AKAP8L: variants seen among roughly 807,000 people sequenced by gnomAD.
The protein encoded by AKAP8L is A-kinase anchor protein 8-like.
A neutral mutation model predicts 77.5 loss-of-function variants in AKAP8L; 34 were observed. The ratio of observed to expected loss-of-function variants is 0.44; its 90% CI spans 0.33 to 0.58. AKAP8L has a LOEUF of 0.58. Ranked by LOEUF, AKAP8L falls within the 20% of genes least tolerant of loss-of-function variation. The pLI is 0.02. For synonymous variants in AKAP8L, 342 were observed against 340.7 expected (o/e 1.00, Z -0.04); for missense variants, 806 against 887.6 (o/e 0.91, Z 1.17).
At chr19:15,385,709 C>T (rs1391285382) in intron 12 of AKAP8L, among the ~76,000 whole-genome samples, 1 of 152,010 alleles carries the variant, frequency 6.6e-6, no homozygotes, top group Non-Finnish European at 1.5e-5. Flanking sequence ...AGGTGATCCT[C>T]CCACCTCAGC....
Position 15,408,612 on chromosome 19 carries a change from G to A in AKAP8L, c.88+1908C>T, listed in dbSNP as rs1387806694. On this transcript the variant is annotated intron_variant, in intron 2 of 13. Coordinates refer to ENST00000397410, the MANE Select transcript of AKAP8L (RefSeq NM_014371.4). ...AGAAAGAAAGAAAGAGGCCGGGCGC[G>A]GTGGCTCACGCCTGTAATCCCAACA... 6.8e-5 allele frequency among the ~76,000 whole-genome samples: 10 copies of A among 146,454 alleles called. No homozygotes were observed. In the South Asian group the frequency reaches 1.5e-3, roughly 22 times the overall value.
chr19:15,397,287 T>G lies in AKAP8L; in HGVS notation c.1406-7A>C, dbSNP rs1201428964. 2 of 1,613,812 alleles carry G rather than the reference T, an allele frequency of 1.2e-6. No individual in the cohort carries two copies. The highest frequency in any genetic ancestry group is 1.7e-6 in the Non-Finnish European group (2 of 1,179,820). On this transcript the variant is annotated splice_polypyrimidine_tract_variant and splice_region_variant and intron_variant, in intron 11 of 13. Transcript: ENST00000397410. This position sits in a 1 kb window ranked among gnomAD's most constrained non-coding sequence, Gnocchi z 4.7. Reference sequence around the variant, plus strand: ...AAATGCTCCATGGCAATTTCTGTAGTGGGGAGGAGGGAGTCACCACTGGGC... The same window carrying G: ...AAATGCTCCATGGCAATTTCTGTAGGGGGGAGGAGGGAGTCACCACTGGGC...
At chr19:15,418,796 C>T in intron 1 of AKAP8L, 115 bp downstream of exon 1, 1 of 1,059,118 alleles carries the variant, frequency 9.4e-7, no homozygotes, top group African/African-American at 1.6e-5. Flanking sequence ...CATTTTGTGA[C>T]CGCAGGGAAG....
At chr19:15,415,831 G>A (rs769787116) in intron 1 of AKAP8L, among the ~76,000 whole-genome samples, 21 of 151,556 alleles carry the variant, frequency 1.4e-4, no homozygotes, top group East Asian at 7.8e-4. Flanking sequence ...GCTTGCAGTG[G>A]GCCGAGATGG....
chr19:15,389,369 G>A lies in AKAP8L; in HGVS notation c.1536+7781C>T, dbSNP rs771997816. ...CACACTATTAAGTGATCCAACATAC[G>A]GGTAATGAGCATTAGAAGAGGAAAG... On this transcript the variant is annotated intron_variant, in intron 12 of 13. Transcript: ENST00000397410. Among the ~76,000 whole-genome samples, 14 of 152,198 alleles carry A rather than the reference G, an allele frequency of 9.2e-5. No homozygotes were observed. The East Asian group carries it at 1.2e-3, about 13-fold the overall frequency.
At chr19:15,414,053 A>G (rs1408953626) in intron 1 of AKAP8L, among the ~76,000 whole-genome samples, 1 of 150,674 alleles carries the variant, frequency 6.6e-6, no homozygotes, top group Non-Finnish European at 1.5e-5. Flanking sequence ...CCTATTATGA[A>G]TAATTCTTTT....
chr19:15,411,657 T>C (rs1968107357), intron 1 of AKAP8L, among the ~76,000 whole-genome samples: 1 of 152,114 alleles, frequency 6.6e-6, no homozygotes, highest in Non-Finnish European at 1.5e-5. Flanking sequence ...CAATTATTTC[T>C]TAAAAGTAAT....
intron 1 of AKAP8L, 74 bp downstream of exon 1, chr19:15,418,837 C>T (rs1968270490): frequency 6.7e-7 from 1 of 1,492,874 alleles, no homozygotes; most frequent in Non-Finnish European, 9.1e-7. Context: ...GAGGTGCGGG[C>T]AAGCCTGGTG....
At position 15,403,497 on chromosome 19, in the gene AKAP8L, C is replaced by T. The variant is rs757362319; in HGVS notation, c.340G>A (p.Val114Met). The change falls in exon 4 of 14, where the codon GTG (valine) becomes ATG (methionine). Residue 114 changes from valine to methionine, a missense_variant. Transcript: ENST00000397410. This position sits in a 1 kb window ranked among gnomAD's most constrained non-coding sequence, Gnocchi z 4.3. ...HLETDMMQGGVYGSGGERYDS... is the reference protein window; with the variant it reads ...HLETDMMQGGMYGSGGERYDS... ...CACCTTTCTCCACCTGAGCCGTACACGCCTCCTTGCATCATGTCTGTCTCC... is the reference window on the plus strand; with the variant it reads ...CACCTTTCTCCACCTGAGCCGTACATGCCTCCTTGCATCATGTCTGTCTCC... 6.2e-6 allele frequency: 10 copies of T among 1,613,864 alleles called. No individual in the cohort carries two copies. In the East Asian group the frequency reaches 6.7e-5, roughly 11 times the overall value.
intron 8 of AKAP8L, chr19:15,400,025 C>T (rs1427870582): frequency 1.8e-6 from 1 of 549,074 alleles, no homozygotes; most frequent in Non-Finnish European, 3.2e-6. Context: ...GGGTTCCCCA[C>T]ACTTTTACTA....
At chr19:15,382,346 C>A (rs1233673990) in intron 12 of AKAP8L, among the ~76,000 whole-genome samples, 2 of 152,012 alleles carry the variant, frequency 1.3e-5, no homozygotes, top group African/African-American at 4.8e-5. Flanking sequence ...GGACTACGGG[C>A]ACGCACCACC....
At position 15,403,891 on chromosome 19, in the gene AKAP8L, G is replaced by T; in HGVS notation, c.121+119C>A. 7.9e-7 allele frequency: 1 copy of T among 1,265,520 alleles called. No homozygotes were observed. The highest frequency in any genetic ancestry group is 1.3e-5 in the South Asian group (1 of 75,260). The allele number at this position is 1,265,520 out of a possible 1,614,324, so 78.4% of individuals were successfully genotyped here. A position where few individuals can be genotyped will look rare whatever the true frequency, so the allele number is the denominator to read the frequency against. ...ATGAGGGCCTCCTGTTAAGGAGTAG[G>T]TAACCCCAGAAACATGCCCCCTCCC... On this transcript the variant is annotated intron_variant, in intron 3 of 13. Coordinates refer to ENST00000397410, the MANE Select transcript of AKAP8L (RefSeq NM_014371.4). This position sits in a 1 kb window ranked among gnomAD's most constrained non-coding sequence, Gnocchi z 4.3.
intron 12 of AKAP8L, 160 bp from the exon 13 acceptor site, chr19:15,380,772 A>G (rs964550264): frequency 1.3e-5 from 8 of 618,616 alleles, no homozygotes; most frequent in African/African-American, 9.2e-5. Flanking sequence ...ACCACAACCT[A>G]TCTGATCTTT....
At chr19:15,404,443 T>C (rs907164595) in intron 2 of AKAP8L, among the ~76,000 whole-genome samples, 7 of 152,188 alleles carry the variant, frequency 4.6e-5, no homozygotes, top group African/African-American at 1.7e-4. Flanking sequence ...CTTGAATTGT[T>C]GACTGTGCTG....
chr19:15,400,612 C>G, intron 7 of AKAP8L, 182 bp downstream of exon 7: 3 of 816,438 alleles, frequency 3.7e-6, no homozygotes, highest in Non-Finnish European at 5.8e-6. Context: ...CATTTTCCAA[C>G]AAGGAAACTG....
chr19:15,403,677 C>A lies in AKAP8L; in HGVS notation c.160G>T (p.Asp54Tyr), dbSNP rs1329673577. Residue 54 changes from aspartate to tyrosine, a missense_variant, in exon 4 of 14, where the codon GAT (aspartate) becomes TAT (tyrosine). Coordinates refer to ENST00000397410, the MANE Select transcript of AKAP8L (RefSeq NM_014371.4). The surrounding 1 kb of genome is among the most constrained non-coding windows in gnomAD (Gnocchi z 4.3). Reference protein sequence around the residue: ...GYGYGYGYGQDNTTNYGYGMA... With the variant: ...GYGYGYGYGQYNTTNYGYGMA... ...CCATACCCATAGTTGGTGGTGTTAT[C>A]CTGGCCATAGCCATAGCCATAGCCA... 1 of 1,608,740 alleles carries A rather than the reference C, an allele frequency of 6.2e-7. No homozygotes were observed. The highest frequency in any genetic ancestry group is 8.5e-7 in the Non-Finnish European group (1 of 1,177,390).
At chr19:15,395,052 CAG>C (rs1339789692) in intron 12 of AKAP8L, among the ~76,000 whole-genome samples, 11 of 149,602 alleles carry the variant, frequency 7.4e-5, no homozygotes, top group Non-Finnish European at 1.5e-4. Flanking sequence ...TTTTTTGAGA[CAG>C]AGTCTCGCTC....
chr19:15,410,690 C>G, intron 1 of AKAP8L, 96 bp from the exon 2 acceptor site: 10 of 941,866 alleles, frequency 1.1e-5, no homozygotes, highest in Non-Finnish European at 1.6e-5. Flanking sequence ...CCAGCAGGCC[C>G]TTCTCTCAAC....
At chr19:15,396,790 G>A (rs1370415422) in intron 12 of AKAP8L, among the ~76,000 whole-genome samples, 1 of 152,088 alleles carries the variant, frequency 6.6e-6, no homozygotes, top group Non-Finnish European at 1.5e-5. Flanking sequence ...CTGCCTACAG[G>A]AACAAGCCCA....
Sources: allele counts gnomAD v4.1 joint callset (sites outside exome capture counted in the v4.1 genomes callset), GRCh38; gene constraint gnomAD v4.1.1; non-coding constraint Gnocchi (gnomAD v3.1); transcripts MANE v1.5; gene names NCBI Gene and HGNC (gene_info 2026-07-23, HGNC 2026-07-21).